Variants in UBE2E3 observed in about 807,000 individuals in gnomAD.
UBE2E3 encodes ubiquitin-conjugating enzyme E2 E3.
In UBE2E3, 5 loss-of-function variants were observed where a neutral mutation model predicts 23.6. The observed-to-expected ratio is 0.21, with a 90% CI of 0.11 to 0.44. The LOEUF (loss-of-function observed/expected upper bound fraction) is 0.44. UBE2E3 is among the 20% of genes least tolerant of loss of function. The pLI is 0.99. For synonymous variants in UBE2E3, 78 were observed against 87.5 expected (o/e 0.89, Z 0.60); for missense variants, 81 against 249.8 (o/e 0.32, Z 4.55).
At chr2:181,016,634 T>C (rs1319223924) in intron 3 of UBE2E3, among the ~76,000 whole-genome samples, 1 of 152,214 alleles carries the variant, frequency 6.6e-6, no homozygotes, top group Non-Finnish European at 1.5e-5. Flanking sequence ...AAACTGATTC[T>C]TTTTGCAAAG....
intron 3 of UBE2E3, among the ~76,000 whole-genome samples, chr2:181,048,661 A>T (rs577107204): frequency 2.0e-4 from 25 of 125,958 alleles, no homozygotes; most frequent in African/African-American, 6.6e-4. Flanking sequence ...CTCTCACCCT[A>T]ATTGTCTGTA....
intron 3 of UBE2E3, among the ~76,000 whole-genome samples, chr2:180,999,631 C>A (rs1684934788): frequency 6.6e-6 from 1 of 151,808 alleles, no homozygotes; most frequent in African/African-American, 2.4e-5. Flanking sequence ...CCCTCCCGCC[C>A]TCCACCCCTC....
chr2:180,999,551 C>T (rs944638163), intron 3 of UBE2E3, among the ~76,000 whole-genome samples: 6 of 152,070 alleles, frequency 3.9e-5, no homozygotes, highest in African/African-American at 7.2e-5. Flanking sequence ...ACTTTCCCAG[C>T]GGCGTATGAG....
At chr2:181,060,853 A>T in intron 5 of UBE2E3, 41 bp downstream of exon 5, 1 of 1,414,646 alleles carries the variant, frequency 7.1e-7, no homozygotes, top group Non-Finnish European at 9.3e-7. Context: ...AGACTACAAA[A>T]ACGAGTGCTT....
At chr2:181,009,244 G>T (rs985460661) in intron 3 of UBE2E3, among the ~76,000 whole-genome samples, 1 of 152,076 alleles carries the variant, frequency 6.6e-6, no homozygotes. Flanking sequence ...GATGCTAAGA[G>T]ATTGGACACA....
chr2:180,997,663 C>T (rs1684867393), intron 3 of UBE2E3, among the ~76,000 whole-genome samples: 3 of 152,072 alleles, frequency 2.0e-5, no homozygotes, highest in Non-Finnish European at 4.4e-5. Context: ...CTTAATTTAT[C>T]TTTATTTTTA....
intron 3 of UBE2E3, among the ~76,000 whole-genome samples, chr2:180,987,586 A>G (rs868264995): frequency 6.6e-6 from 1 of 152,136 alleles, no homozygotes; most frequent in African/African-American, 2.4e-5. Context: ...TTTCAAGTTA[A>G]TAGTATTAAT....
intron 3 of UBE2E3, among the ~76,000 whole-genome samples, chr2:181,001,078 A>G (rs1684976317): frequency 1.3e-5 from 2 of 152,340 alleles, no homozygotes; most frequent in Non-Finnish European, 2.9e-5. Flanking sequence ...CAAAAATTGG[A>G]AACAACTTGG....
intron 3 of UBE2E3, among the ~76,000 whole-genome samples, chr2:180,990,344 G>A (rs531769544): frequency 3.9e-4 from 60 of 152,330 alleles, no homozygotes; most frequent in African/African-American, 1.1e-3. Context: ...GGGCCAAAAT[G>A]TCTAGTGCTG....
At chr2:181,023,951 T>G (rs1303354624) in intron 3 of UBE2E3, among the ~76,000 whole-genome samples, 1 of 152,172 alleles carries the variant, frequency 6.6e-6, no homozygotes, top group Admixed American at 6.5e-5. Flanking sequence ...TTCTCCCTAC[T>G]CCTTACTGTC....
At chr2:181,018,286 T>C (rs1031934251) in intron 3 of UBE2E3, among the ~76,000 whole-genome samples, 1 of 152,216 alleles carries the variant, frequency 6.6e-6, no homozygotes, top group African/African-American at 2.4e-5. Flanking sequence ...ATTCTGGTGA[T>C]GTACCTGTAT....
At chr2:180,997,095 A>G (rs1684845405) in intron 3 of UBE2E3, among the ~76,000 whole-genome samples, 1 of 148,208 alleles carries the variant, frequency 6.7e-6, no homozygotes, top group South Asian at 2.1e-4. Flanking sequence ...CTGTTACCCC[A>G]TTGCCTCAAA....
intron 3 of UBE2E3, among the ~76,000 whole-genome samples, chr2:181,029,139 A>G (rs1478430662): frequency 6.6e-6 from 1 of 151,864 alleles, no homozygotes; most frequent in East Asian, 1.9e-4. Context: ...TTTTTTGCCT[A>G]GTTCTGTGTT....
intron 3 of UBE2E3, among the ~76,000 whole-genome samples, chr2:181,049,037 G>A (rs1235701038): frequency 6.6e-6 from 1 of 152,038 alleles, no homozygotes; most frequent in Non-Finnish European, 1.5e-5. Flanking sequence ...CGGCAACTAG[G>A]AGAAGAAAGG....
At chr2:181,008,146 A>G (rs905336977) in intron 3 of UBE2E3, among the ~76,000 whole-genome samples, 13 of 152,232 alleles carry the variant, frequency 8.5e-5, no homozygotes, top group Non-Finnish European at 1.5e-4. Flanking sequence ...TCTCTGCGGT[A>G]TAGACAAATA....
intron 3 of UBE2E3, among the ~76,000 whole-genome samples, chr2:181,016,859 C>A (rs1685506805): frequency 6.6e-6 from 1 of 152,166 alleles, no homozygotes; most frequent in Admixed American, 6.5e-5. Context: ...TCTTTCTCCC[C>A]TCATGGGCAG....
chr2:181,060,687 A>G lies in UBE2E3; in HGVS notation c.401A>G (p.Tyr134Cys). Residue 134 changes from tyrosine (Y) to cysteine (C), a missense_variant, in exon 5 of 6, where the codon TAT becomes TGT. Transcript: ENST00000410062. ...PPKVTFRTRIYHCNINSQGVI... is the reference protein window; with the variant it reads ...PPKVTFRTRICHCNINSQGVI... ...TAGGTTACTTTCCGCACCAGAATCT[A>G]TCACTGCAACATCAACAGTCAGGGA... 1.2e-6 allele frequency: 2 copies of G among 1,607,518 alleles called. No individual in the cohort carries two copies. The highest frequency in any genetic ancestry group is 1.7e-6 in the Non-Finnish European group (2 of 1,177,174).
chr2:181,053,760 T>C (rs898369589), intron 3 of UBE2E3, among the ~76,000 whole-genome samples: 4 of 151,830 alleles, frequency 2.6e-5, no homozygotes, highest in Non-Finnish European at 5.9e-5. Context: ...GTACATTTTA[T>C]GGATTTTTAC....
intron 3 of UBE2E3, among the ~76,000 whole-genome samples, chr2:180,999,982 T>C (rs1191631758): frequency 6.6e-6 from 1 of 152,214 alleles, no homozygotes; most frequent in East Asian, 1.9e-4. Flanking sequence ...AAGATATACT[T>C]TTGAAAGTGG....
Sources: allele counts gnomAD v4.1 joint callset (sites outside exome capture counted in the v4.1 genomes callset), GRCh38; gene constraint gnomAD v4.1.1; transcripts MANE v1.5; gene names NCBI Gene and HGNC (gene_info 2026-07-23, HGNC 2026-07-21).